Variants in IGSF8 observed in about 807,000 individuals in gnomAD.
IGSF8 encodes the protein CD81 partner 3.
IGSF8 carries 46 observed loss-of-function variants against 55.5 expected under a neutral mutation model. That is an observed-to-expected ratio of 0.83 (90% CI 0.65 to 1.06). The LOEUF is 1.06. IGSF8 is among the 50% of genes least tolerant of loss of function. The pLI, the probability that IGSF8 is intolerant of heterozygous loss-of-function variation, is 0.00. For synonymous variants in IGSF8, 314 were observed against 356.1 expected, an observed-to-expected ratio of 0.88 and a Z score of 1.33; for missense variants, 731 against 832.3, an observed-to-expected ratio of 0.88 and a Z score of 1.50.
chr1:160,091,856 A>C lies in IGSF8; in HGVS notation c.1809T>G (p.Thr603=). The change falls in exon 6 of 7, where the codon ACT becomes ACG. Residue 603 remains threonine, a synonymous_variant. Coordinates refer to ENST00000314485, the MANE Select transcript of IGSF8 (RefSeq NM_052868.6). ...VTGATVLGTI[T]CCFMKRLRKR is the part of the protein sequence containing the mutation. ...TTCGAAGCCTCTTCATGAAGCAGCA[A>C]GTGATGGTACCAAGGACAGTGGCAC... The C allele has an allele frequency of 6.2e-7, 1 of 1,613,998 alleles. No homozygotes were observed. Among genetic ancestry groups the C allele is most frequent in the Non-Finnish European group, 8.5e-7 (1 of 1,179,926 alleles).
rs1377593113 is a variant in IGSF8, at chr1:160,094,877, T to A, written c.434A>T (p.Glu145Val). Residue 145 changes from glutamate (E) to valine (V), a missense_variant, in exon 2 of 7, where the codon GAG becomes GTG. Coordinates refer to ENST00000314485, the MANE Select transcript of IGSF8 (RefSeq NM_052868.6). The surrounding 1 kb of genome is among the most constrained non-coding windows in gnomAD (Gnocchi z 4.0). ...GTCCCAGGGCCCAGTACCTCTCAGCTCCACCTTGCCGCTGTAGCTGCCCAG... is the reference window on the plus strand; with the variant it reads ...GTCCCAGGGCCCAGTACCTCTCAGCACCACCTTGCCGCTGTAGCTGCCCAG... ...RYLGSYSGKV[E>V]LRVLPDVLQV... 6.2e-7 allele frequency: 1 copy of A among 1,612,070 alleles called. No individual in the cohort carries two copies. Among genetic ancestry groups the A allele is most frequent in the East Asian group, 2.2e-5 (1 of 44,834 alleles).
At position 160,093,186 on chromosome 1, in the gene IGSF8, C is replaced by G. The variant is rs371772963; in HGVS notation, c.1050G>C (p.Ala350=). 1 of 1,613,506 alleles carries G rather than the reference C, an allele frequency of 6.2e-7. No homozygotes were observed. The highest frequency in any genetic ancestry group is 8.5e-7 in the Non-Finnish European group (1 of 1,179,784). ...CCAGGCGGCCGGGCCCAGGTGCCCCCGCAGGTGCCATCTCCCAACCTACAG... is the reference window on the plus strand; with the variant it reads ...CCAGGCGGCCGGGCCCAGGTGCCCCGGCAGGTGCCATCTCCCAACCTACAG... ...AYSVGWEMAP[A]GAPGPGRLVA... Residue 350 remains alanine, a synonymous_variant, in exon 4 of 7, where the codon GCG becomes GCC. Transcript: ENST00000314485.
At chr1:160,091,784 G>A (rs554173870) in intron 6 of IGSF8, 24 bp downstream of exon 6, 1 of 1,467,054 alleles carries the variant, frequency 6.8e-7, no homozygotes, top group African/African-American at 1.4e-5. Context: ...ATGAAAACAA[G>A]GTTGGGGGGT....
At chr1:160,099,328 C>A (rs1176229271), upstream of IGSF8, among the ~76,000 whole-genome samples, 1 of 152,208 alleles carries the variant, frequency 6.6e-6, no homozygotes, top group Non-Finnish European at 1.5e-5. Context: ...TCGCTGCAAA[C>A]CCTGCTGAAG....
In IGSF8 at chr1:160,091,583, C is replaced by G; in HGVS notation, c.*41G>C. ...ACCAGAGGAGGGCTTGGAGCTGGGCCGGAAGACAGTCGACACCTGCAAGAC... is the reference window on the plus strand; with the variant it reads ...ACCAGAGGAGGGCTTGGAGCTGGGCGGGAAGACAGTCGACACCTGCAAGAC... On this transcript the variant is annotated 3_prime_UTR_variant, in exon 7 of 7. Coordinates refer to ENST00000314485, the MANE Select transcript of IGSF8 (RefSeq NM_052868.6). 3 of 502,024 alleles carry G rather than the reference C, an allele frequency of 6.0e-6. No homozygotes were observed. The highest frequency in any genetic ancestry group is 1.1e-5 in the Non-Finnish European group (3 of 277,090). The allele number at this position is 502,024 out of a possible 1,614,324, so 31.1% of individuals were successfully genotyped here. A position where few individuals can be genotyped will look rare whatever the true frequency, so the allele number is the denominator to read the frequency against.
rs769158700 is a variant in IGSF8 at position 160,094,406 on chromosome 1, G to A, written c.443-235C>T. ...CAGCCCATCGCCTACTCACCCTTAT[G>A]TTTGAGACTGACCTCTGTTTGAAAT... On this transcript the variant is annotated intron_variant, in intron 2 of 6. Coordinates refer to ENST00000314485, the MANE Select transcript of IGSF8 (RefSeq NM_052868.6). This position sits in a 1 kb window ranked among gnomAD's most constrained non-coding sequence, Gnocchi z 4.0. Among the ~76,000 whole-genome samples, 16 of 152,276 alleles carry A rather than the reference G, an allele frequency of 1.1e-4. 1 individual carries two copies. Among genetic ancestry groups the A allele is most frequent in the Middle Eastern group, 6.8e-3 (2 of 294 alleles).
chr1:160,097,126 G>A (rs1650485946), intron 1 of IGSF8, among the ~76,000 whole-genome samples: 1 of 152,116 alleles, frequency 6.6e-6, no homozygotes, highest in Admixed American at 6.5e-5. Context: ...GTGCTCTCTG[G>A]GGCAAGTTAC....
At chr1:160,097,958 G>T (rs1650554582) in intron 1 of IGSF8, 1 of 985,394 alleles carries the variant, frequency 1.0e-6, no homozygotes, top group Admixed American at 6.1e-5. Context: ...TTACTTCAAA[G>T]ATCGTGGGCA....
chr1:160,098,377 G>A, intron 1 of IGSF8, 32 bp downstream of exon 1: 1 of 1,553,444 alleles, frequency 6.4e-7, no homozygotes, highest in Non-Finnish European at 8.7e-7. Flanking sequence ...CTGCCCGGCA[G>A]GGCCGGGAAC....
chr1:160,098,366 C>A (rs758235164), intron 1 of IGSF8, 43 bp downstream of exon 1: 115 of 1,552,820 alleles, frequency 7.4e-5, no homozygotes, highest in Non-Finnish European at 9.8e-5. Flanking sequence ...ATGGCAGGCA[C>A]CTGCCCGGCA....
chr1:160,099,250 C>G (rs1327164081), upstream of IGSF8, among the ~76,000 whole-genome samples: 1 of 152,122 alleles, frequency 6.6e-6, no homozygotes, highest in Non-Finnish European at 1.5e-5. Context: ...GGTGCAGGGT[C>G]CCTGGGATTG....
At chr1:160,097,465 C>T (rs1570966555) in intron 1 of IGSF8, among the ~76,000 whole-genome samples, 1 of 152,172 alleles carries the variant, frequency 6.6e-6, no homozygotes, top group Non-Finnish European at 1.5e-5. Context: ...GCTGGGGCTA[C>T]CTTCAGCCTC....
At position 160,094,722 on chromosome 1, in the gene IGSF8, T is replaced by C; in HGVS notation, c.442+147A>G. On this transcript the variant is annotated intron_variant, in intron 2 of 6. Transcript: ENST00000314485. The surrounding 1 kb of genome is among the most constrained non-coding windows in gnomAD (Gnocchi z 4.0). Reference sequence around the variant, plus strand: ...AGTCCCACATCAGCCACTGAGTTATTGGGTGACTTTGTGCAAATCACTTAA... The same window carrying C: ...AGTCCCACATCAGCCACTGAGTTATCGGGTGACTTTGTGCAAATCACTTAA... The C allele has an allele frequency of 1.2e-6, 1 of 844,378 alleles. No individual in the cohort carries two copies. Among genetic ancestry groups the C allele is most frequent in the Non-Finnish European group, 1.8e-6 (1 of 552,026 alleles). 52.3% of individuals were successfully genotyped at this position (844,378 alleles called of 1,614,324 possible).
chr1:160,092,959 C>T lies in IGSF8; in HGVS notation c.1277G>A (p.Arg426His), dbSNP rs368177176. 28 of 1,607,976 alleles carry T rather than the reference C, an allele frequency of 1.7e-5. No individual in the cohort carries two copies. Among genetic ancestry groups the T allele is most frequent in the African/African-American group, 2.7e-5 (2 of 74,816 alleles). Residue 426 changes from arginine to histidine, a missense_variant, in exon 4 of 7, where the codon CGT becomes CAT. Coordinates refer to ENST00000314485, the MANE Select transcript of IGSF8 (RefSeq NM_052868.6). ...CACATGTACAGGGAGAGGCCGGGAA[C>T]GGGCACTGGCTGCTTCACGAAGCCG... ...GTRLREAASA[R>H]SRPLPVHVRE...
Position 160,093,174 on chromosome 1 carries a change from C to A in IGSF8, c.1062G>T (p.Gly354=). Residue 354 remains glycine (G), a synonymous_variant, in exon 4 of 7, where the codon GGG becomes GGT. Transcript: ENST00000314485. ...CCAGCTGGGCTACCAGGCGGCCGGG[C>A]CCAGGTGCCCCCGCAGGTGCCATCT... The part of the protein sequence containing the change: ...GWEMAPAGAP[G]PGRLVAQLDT... The A allele has an allele frequency of 6.2e-7, 1 of 1,613,440 alleles. No homozygotes were observed. Among genetic ancestry groups the A allele is most frequent in the Non-Finnish European group, 8.5e-7 (1 of 1,179,710 alleles).
intron 4 of IGSF8, 95 bp from the exon 5 acceptor site, chr1:160,092,790 T>C (rs891294941): frequency 2.0e-6 from 3 of 1,509,564 alleles, no homozygotes; most frequent in African/African-American, 2.7e-5. Flanking sequence ...CTCAGGGTAT[T>C]CCCACAATCT....
In IGSF8 at chr1:160,093,179, G is replaced by C; in HGVS notation, c.1057C>G (p.Pro353Ala). 1 of 1,613,628 alleles carries C rather than the reference G, an allele frequency of 6.2e-7. No individual in the cohort carries two copies. Among genetic ancestry groups the C allele is most frequent in the South Asian group, 1.1e-5 (1 of 91,020 alleles). Residue 353 changes from proline to alanine, a missense_variant, in exon 4 of 7, where the codon CCT becomes GCT. Pro to Ala is a conservative substitution (Grantham distance 27). Coordinates refer to ENST00000314485, the MANE Select transcript of IGSF8 (RefSeq NM_052868.6). ...VGWEMAPAGA[P>A]GPGRLVAQLD... ...TGGGCTACCAGGCGGCCGGGCCCAG[G>C]TGCCCCCGCAGGTGCCATCTCCCAA...
chr1:160,093,216 T>A lies in IGSF8; in HGVS notation c.1020A>T (p.Ala340=). The change falls in exon 4 of 7, where the codon GCA becomes GCT. Residue 340 remains alanine (A), a synonymous_variant. Transcript: ENST00000314485. ...GALPPAGRHA[A]YSVGWEMAPA... is the part of the protein sequence containing the mutation. ...GTGCCATCTCCCAACCTACAGAGTA[T>A]GCAGCATGACGGCCTGCTGGGGGAA... The A allele has an allele frequency of 6.2e-7, 1 of 1,614,062 alleles. No homozygotes were observed. Among genetic ancestry groups the A allele is most frequent in the Non-Finnish European group, 8.5e-7 (1 of 1,179,966 alleles).
At chr1:160,092,831 G>A (rs1010130267) in intron 4 of IGSF8, 93 bp downstream of exon 4, 60 of 1,493,868 alleles carry the variant, frequency 4.0e-5, no homozygotes, top group Non-Finnish European at 5.2e-5. Flanking sequence ...GCTGTGGCCT[G>A]CAAACAGCTG....
Sources: allele counts gnomAD v4.1 joint callset (sites outside exome capture counted in the v4.1 genomes callset), GRCh38; gene constraint gnomAD v4.1.1; non-coding constraint Gnocchi (gnomAD v3.1); transcripts MANE v1.5; gene names NCBI Gene and HGNC (gene_info 2026-07-23, HGNC 2026-07-21).